Variants in C13orf46 observed in about 807,000 individuals in gnomAD.
The protein encoded by C13orf46 is uncharacterized protein C13orf46.
chr13:113,946,650 G>A, the C13orf46 span, among the ~76,000 whole-genome samples: 3 of 152,240 alleles, frequency 2.0e-5, no homozygotes, highest in Non-Finnish European at 4.4e-5. Flanking sequence ...GAACGGGGCC[G>A]CAGAGGACGG....
chr13:113,936,880 T>C, the C13orf46 span, among the ~76,000 whole-genome samples: 1 of 151,560 alleles, frequency 6.6e-6, no homozygotes, highest in African/African-American at 2.4e-5. Flanking sequence ...GGTTCCACCG[T>C]AGTGACGTTA....
intron 6 of C13orf46, among the ~76,000 whole-genome samples, chr13:113,960,914 T>C (rs1339967624): frequency 6.6e-6 from 1 of 152,260 alleles, no homozygotes; most frequent in Non-Finnish European, 1.5e-5. Flanking sequence ...AAATATTTTA[T>C]ATTTTATCAA....
chr13:113,950,401 C>A (rs934370222), downstream of C13orf46, among the ~76,000 whole-genome samples: 18 of 146,312 alleles, frequency 1.2e-4, no homozygotes, highest in African/African-American at 4.3e-4. Context: ...ATGGTCATCA[C>A]CCCCACCTTG....
intron 6 of C13orf46, among the ~76,000 whole-genome samples, chr13:113,958,574 T>C (rs2052561382): frequency 6.6e-6 from 1 of 152,218 alleles, no homozygotes; most frequent in African/African-American, 2.4e-5. Flanking sequence ...CTTGATGTGA[T>C]TCTGCATGCG....
rs967425743 is a variant in C13orf46, at chr13:113,966,927, G to T, written c.504+414C>A. ...CTACTTTATAGAGGAGACAACTGAG[G>T]CACAGGGAAGTATGATGAGTTGTTT... On this transcript the variant is annotated intron_variant, in intron 5 of 6. Transcript: ENST00000636427. Among the ~76,000 whole-genome samples the T allele has an allele frequency of 1.5e-3, 223 of 152,196 alleles. 1 individual carries two copies. The East Asian group carries it at 0.032, about 22-fold the overall frequency.
At chr13:113,965,940 G>T (rs1373421919) in intron 5 of C13orf46, among the ~76,000 whole-genome samples, 1 of 150,498 alleles carries the variant, frequency 6.6e-6, no homozygotes, top group Admixed American at 6.7e-5. Flanking sequence ...TGATTATGAT[G>T]GTGATGATGA....
chr13:113,938,039 G>T, the C13orf46 span, among the ~76,000 whole-genome samples: 1 of 152,296 alleles, frequency 6.6e-6, no homozygotes, highest in African/African-American at 2.4e-5. Context: ...AGGCAGGTTT[G>T]CCTGGCACAG....
chr13:113,927,682 G>C, the C13orf46 span: 10 of 398,468 alleles, frequency 2.5e-5, no homozygotes, highest in Admixed American at 1.3e-4. Context: ...CTGTGACTAA[G>C]TTAGAAGCTT....
chr13:113,953,995 G>C lies in C13orf46; in HGVS notation c.*2778C>G, dbSNP rs2052500924. ...GTCTTTCAGTCAAGGGTGGGTGCTGGCTTTGGGGGGTCCCCTTTCTCTCTG... is the reference window on the plus strand; with the variant it reads ...GTCTTTCAGTCAAGGGTGGGTGCTGCCTTTGGGGGGTCCCCTTTCTCTCTG... On this transcript the variant is annotated 3_prime_UTR_variant, in exon 7 of 7. Coordinates refer to ENST00000636427, the MANE Select transcript of C13orf46 (RefSeq NM_001365455.2). 1 of 152,484 alleles carries C rather than the reference G, an allele frequency of 6.6e-6. No individual in the cohort carries two copies. The highest frequency in any genetic ancestry group is 2.4e-5 in the African/African-American group (1 of 41,474). 9.4% of individuals were successfully genotyped at this position (152,484 alleles called of 1,614,324 possible). A position where few individuals can be genotyped will look rare whatever the true frequency, so the allele number is the denominator to read the frequency against.
chr13:113,950,795 C>G (rs1427837861), downstream of C13orf46, among the ~76,000 whole-genome samples: 1 of 152,208 alleles, frequency 6.6e-6, no homozygotes, highest in Non-Finnish European at 1.5e-5. Flanking sequence ...GAGAGACTCC[C>G]TCCCGCTCCA....
downstream of C13orf46, among the ~76,000 whole-genome samples, chr13:113,951,402 C>T (rs1323746403): frequency 2.0e-5 from 3 of 152,174 alleles, no homozygotes; most frequent in African/African-American, 4.8e-5. Flanking sequence ...GACGTCCCTT[C>T]GTGGACTGCG....
At chr13:113,939,231 C>T in the C13orf46 span, among the ~76,000 whole-genome samples, 8 of 152,344 alleles carry the variant, frequency 5.3e-5, 1 homozygote, top group East Asian at 1.5e-3. Flanking sequence ...CCAAGGGCTG[C>T]AGCTGGCCCC....
At chr13:113,950,409 T>C (rs947083876), downstream of C13orf46, among the ~76,000 whole-genome samples, 2 of 144,952 alleles carry the variant, frequency 1.4e-5, no homozygotes, top group African/African-American at 2.6e-5. Flanking sequence ...CACCCCCACC[T>C]TGGGGACCTC....
chr13:113,960,129 C>T lies in C13orf46; in HGVS notation c.573-3290G>A, dbSNP rs1337606641. ...AAAATTAGCCAGACATGGTGGTGGG[C>T]GCCTGTAGTCTCAGCTACTTGGGAG... On this transcript the variant is annotated intron_variant, in intron 6 of 6. Transcript: ENST00000636427. Among the ~76,000 whole-genome samples the T allele has an allele frequency of 3.3e-5, 5 of 152,026 alleles. No homozygotes were observed. In the East Asian group the frequency reaches 5.8e-4, roughly 18 times the overall value.
the C13orf46 span, among the ~76,000 whole-genome samples, chr13:113,930,111 G>A: frequency 6.6e-6 from 1 of 152,238 alleles, no homozygotes; most frequent in East Asian, 1.9e-4. Flanking sequence ...GGCCATGGTG[G>A]TGAGGCAGCC....
chr13:113,929,044 G>C, the C13orf46 span, among the ~76,000 whole-genome samples: 1 of 152,236 alleles, frequency 6.6e-6, no homozygotes. Flanking sequence ...AAGTCAGGAG[G>C]TAATAACCGC....
downstream of C13orf46, among the ~76,000 whole-genome samples, chr13:113,948,764 G>T (rs1400126679): frequency 6.6e-6 from 1 of 152,344 alleles, no homozygotes; most frequent in South Asian, 2.1e-4. Context: ...AAACGCTACT[G>T]AGATAAATCG....
the C13orf46 span, chr13:113,926,741 G>A: frequency 1.3e-5 from 2 of 152,214 alleles, no homozygotes. Flanking sequence ...CTTCAAGATG[G>A]CTGTTAAGTG....
Position 113,954,098 on chromosome 13 carries a change from A to G in C13orf46, c.*2675T>C, listed in dbSNP as rs2052501577. 6.6e-6 allele frequency: 1 copy of G among 152,224 alleles called. No homozygotes were observed. The highest frequency in any genetic ancestry group is 1.5e-5 in the Non-Finnish European group (1 of 68,040). The allele number at this position is 152,224 out of a possible 1,614,324, so 9.4% of individuals were successfully genotyped here. On this transcript the variant is annotated 3_prime_UTR_variant, in exon 7 of 7. Coordinates refer to ENST00000636427, the MANE Select transcript of C13orf46 (RefSeq NM_001365455.2). ...CTCTGCGTGGCATGCGGCTCCCTGA[A>G]AAGGGCCCCTCCCTCCCTGGCTGAG...
Sources: allele counts gnomAD v4.1 joint callset (sites outside exome capture counted in the v4.1 genomes callset), GRCh38; gene constraint gnomAD v4.1.1; transcripts MANE v1.5; gene names NCBI Gene and HGNC (gene_info 2026-07-23, HGNC 2026-07-21).